TRAF6: variants seen among roughly 807,000 people sequenced by gnomAD.
TRAF6 encodes the protein TNF receptor-associated factor 6.
In TRAF6, 10 loss-of-function variants were observed where a neutral mutation model predicts 48.4. The observed-to-expected ratio is 0.21, with a 90% CI of 0.13 to 0.35. The LOEUF (loss-of-function observed/expected upper bound fraction) is 0.35. TRAF6 is among the 10% of genes least tolerant of loss of function. TRAF6 has a pLI of 1.00. For missense variants in TRAF6, 397 were observed against 661.0 expected (o/e 0.60, Z 4.38); for synonymous variants, 186 against 219.6 (o/e 0.85, Z 1.35).
intron 4 of TRAF6, 128 bp from the exon 5 acceptor site, chr11:36,495,175 G>A: frequency 1.6e-6 from 1 of 612,684 alleles, no homozygotes; most frequent in Non-Finnish European, 2.9e-6. Flanking sequence ...AAGCAAAAGT[G>A]AGTGAAAGTG....
At chr11:36,506,857 A>G (rs374091253) in intron 1 of TRAF6, among the ~76,000 whole-genome samples, 3 of 152,256 alleles carry the variant, frequency 2.0e-5, no homozygotes, top group East Asian at 3.9e-4. Context: ...TTATCCTTTA[A>G]GTCCACAGTA....
chr11:36,494,808 T>C (rs1165520155), intron 5 of TRAF6, among the ~76,000 whole-genome samples, 168 bp downstream of exon 5: 2 of 151,420 alleles, frequency 1.3e-5, no homozygotes, highest in African/African-American at 4.9e-5. Context: ...TTGTTCTCCC[T>C]GAAAGTATTT....
In TRAF6 at chr11:36,484,010, A is replaced by AATCC. The variant is rs1382394428; in HGVS notation, c.*5824_*5827dup. Among the ~76,000 whole-genome samples, 2 of 152,180 alleles carry AATCC rather than the reference A, an allele frequency of 1.3e-5. No homozygotes were observed. Among genetic ancestry groups the AATCC allele is most frequent in the Non-Finnish European group, 2.9e-5 (2 of 68,024 alleles). ...CAGGTGCCTTTTTGAGATAAGTGTGAATCCACATTCACAACCTGGGTTGAG... is the reference window on the plus strand; with the variant it reads ...CAGGTGCCTTTTTGAGATAAGTGTGAATCCATCCACATTCACAACCTGGGTTGAG... On this transcript the variant is annotated 3_prime_UTR_variant, in exon 7 of 7. Transcript: ENST00000526995.
Position 36,498,599 on chromosome 11 carries a change from A to G in TRAF6, c.338T>C (p.Leu113Pro). 6.2e-7 allele frequency: 1 copy of G among 1,613,596 alleles called. No homozygotes were observed. Among genetic ancestry groups the G allele is most frequent in the Non-Finnish European group, 8.5e-7 (1 of 1,179,876 alleles). The part of the protein sequence containing the change: ...HKCPVDNEIL[L>P]ENQLFPDNFA... ...ATTGTCTGGAAATAGTTGATTTTCC[A>G]GCAGTATTTCATTGTCAACTGGACA... Residue 113 changes from leucine to proline, a missense_variant, in exon 3 of 7, where the codon CTG becomes CCG. Leu to Pro is a moderately conservative substitution (Grantham distance 98). Around this residue, in one of 4 missense-constraint regions of TRAF6, gnomAD observed 245 missense variants for 349.1 expected, o/e 0.70. Transcript: ENST00000526995.
Position 36,501,123 on chromosome 11 carries a change from G to C in TRAF6, c.296+97C>G, listed in dbSNP as rs1480495377. ...TCTTTTTTCCTAAGTAGCTTTTTAT[G>C]TGTAAGACTACTTTTGGGATGTTCC... On this transcript the variant is annotated intron_variant, in intron 2 of 6. Coordinates refer to ENST00000526995, the MANE Select transcript of TRAF6 (RefSeq NM_004620.4). 2.5e-6 allele frequency: 3 copies of C among 1,195,418 alleles called. No individual in the cohort carries two copies. The East Asian group carries it at 7.8e-5, about 31-fold the overall frequency. The allele number at this position is 1,195,418 out of a possible 1,614,324, so 74.1% of individuals were successfully genotyped here. A position where few individuals can be genotyped will look rare whatever the true frequency, so the allele number is the denominator to read the frequency against.
At chr11:36,496,210 C>T (rs1456149305) in intron 4 of TRAF6, 2 of 152,158 alleles carry the variant, frequency 1.3e-5, no homozygotes, top group East Asian at 3.8e-4. Context: ...TCTACTTAAT[C>T]TATCTCAGTT....
At chr11:36,492,096 T>C (rs561505978) in intron 6 of TRAF6, among the ~76,000 whole-genome samples, 2 of 152,190 alleles carry the variant, frequency 1.3e-5, no homozygotes, top group Non-Finnish European at 2.9e-5. Context: ...CTCCTAAATA[T>C]GTACTGGCTC....
At chr11:36,493,648 C>G (rs1347194484) in intron 5 of TRAF6, among the ~76,000 whole-genome samples, 1 of 152,156 alleles carries the variant, frequency 6.6e-6, no homozygotes, top group Non-Finnish European at 1.5e-5. Flanking sequence ...GTTAAAATCA[C>G]AGTTTAAACC....
chr11:36,489,548 C>T lies in TRAF6; in HGVS notation c.*290G>A, dbSNP rs1859532669. On this transcript the variant is annotated 3_prime_UTR_variant, in exon 7 of 7. Coordinates refer to ENST00000526995, the MANE Select transcript of TRAF6 (RefSeq NM_004620.4). ...ACAATAAAATACACCAGAGCAAAAGCCCAAGAAAGTACAACAAAGAGGTAT... is the reference window on the plus strand; with the variant it reads ...ACAATAAAATACACCAGAGCAAAAGTCCAAGAAAGTACAACAAAGAGGTAT... 1 of 367,318 alleles carries T rather than the reference C, an allele frequency of 2.7e-6. No individual in the cohort carries two copies. Among genetic ancestry groups the T allele is most frequent in the Non-Finnish European group, 4.9e-6 (1 of 204,568 alleles). The allele number at this position is 367,318 out of a possible 1,614,324, so 22.8% of individuals were successfully genotyped here.
chr11:36,495,766 C>T (rs1000473497), intron 4 of TRAF6, among the ~76,000 whole-genome samples: 11 of 152,102 alleles, frequency 7.2e-5, no homozygotes, highest in Non-Finnish European at 1.5e-4. Flanking sequence ...GTGATGCATG[C>T]CTGTAATCCC....
At chr11:36,509,664 A>AG (rs1859874115) in intron 1 of TRAF6, among the ~76,000 whole-genome samples, 1 of 152,032 alleles carries the variant, frequency 6.6e-6, no homozygotes, top group African/African-American at 2.4e-5. Context: ...GGGGTTTTTT[A>AG]GGGGGTGGAA....
intron 1 of TRAF6, among the ~76,000 whole-genome samples, chr11:36,505,022 TTTG>T (rs1486830821): frequency 6.6e-6 from 1 of 152,234 alleles, no homozygotes; most frequent in African/African-American, 2.4e-5. Context: ...TCATCCAGGC[TTTG>T]TTGTTACCTT....
intron 2 of TRAF6, among the ~76,000 whole-genome samples, chr11:36,499,692 C>G (rs767066113): frequency 1.3e-5 from 2 of 152,148 alleles, no homozygotes; most frequent in Non-Finnish European, 2.9e-5. Context: ...AAAATTGAAA[C>G]AGCAGACATT....
In TRAF6 at chr11:36,484,606, A is replaced by C. The variant is rs1440178625; in HGVS notation, c.*5232T>G. 6.8e-6 allele frequency among the ~76,000 whole-genome samples: 1 copy of C among 146,354 alleles called. No individual in the cohort carries two copies. The highest frequency in any genetic ancestry group is 7.1e-5 in the Admixed American group (1 of 14,026). On this transcript the variant is annotated 3_prime_UTR_variant, in exon 7 of 7. Coordinates refer to ENST00000526995, the MANE Select transcript of TRAF6 (RefSeq NM_004620.4). Reference sequence around the variant, plus strand: ...ATTTAAATTTCAAATTCTAGTTTCTACTTTACAAGGAAAAGGACACGAAGA... The same window carrying C: ...ATTTAAATTTCAAATTCTAGTTTCTCCTTTACAAGGAAAAGGACACGAAGA...
At chr11:36,491,024 TTTC>T (rs1165650688) in intron 6 of TRAF6, among the ~76,000 whole-genome samples, 11 of 152,346 alleles carry the variant, frequency 7.2e-5, no homozygotes, top group African/African-American at 2.4e-4. Context: ...CTCAGTGATT[TTTC>T]TTCATCTTTA....
Position 36,484,947 on chromosome 11 carries a change from G to T in TRAF6, c.*4891C>A, listed in dbSNP as rs1054468267. On this transcript the variant is annotated 3_prime_UTR_variant, in exon 7 of 7. Transcript: ENST00000526995. ...TTGCAAAGTTTAAAATTAGCTTAAC[G>T]TGAGGGCTGCAATTCCAGTTACAAA... 3.3e-5 allele frequency among the ~76,000 whole-genome samples: 5 copies of T among 152,182 alleles called. No homozygotes were observed. The highest frequency in any genetic ancestry group is 9.7e-5 in the African/African-American group (4 of 41,434).
In TRAF6 at chr11:36,485,527, C is replaced by T. The variant is rs1300095651; in HGVS notation, c.*4311G>A. On this transcript the variant is annotated 3_prime_UTR_variant, in exon 7 of 7. Transcript: ENST00000526995. ...AGAGCAGAGGCACATGCCCCAACTT[C>T]CCCATCTTAAAGGCAGGGCTAGTGT... 1.3e-5 allele frequency among the ~76,000 whole-genome samples: 2 copies of T among 152,118 alleles called. No individual in the cohort carries two copies. The highest frequency in any genetic ancestry group is 2.9e-5 in the Non-Finnish European group (2 of 68,038).
intron 1 of TRAF6, among the ~76,000 whole-genome samples, chr11:36,503,220 C>G (rs1334720337): frequency 1.3e-5 from 2 of 152,032 alleles, no homozygotes; most frequent in African/African-American, 4.8e-5. Context: ...TAAACATGGT[C>G]TGTCCAGCAC....
rs1859533149 is a variant in TRAF6 at position 36,489,588 on chromosome 11, T to C, written c.*250A>G. 3.4e-5 allele frequency: 17 copies of C among 506,170 alleles called. No homozygotes were observed. In the South Asian group the frequency reaches 4.4e-4, roughly 13 times the overall value. The allele number at this position is 506,170 out of a possible 1,614,324, so 31.4% of individuals were successfully genotyped here. ...CAAAGAGGTATACTAACTGGCAAAA[T>C]AGCTGCTGCAACATGCCACAGGCAC... On this transcript the variant is annotated 3_prime_UTR_variant, in exon 7 of 7. Coordinates refer to ENST00000526995, the MANE Select transcript of TRAF6 (RefSeq NM_004620.4).
Sources: gnomAD v4.1 joint callset for allele counts (sites outside exome capture counted in the v4.1 genomes callset) on GRCh38, gnomAD v4.1.1 for gene constraint, gnomAD v4.1.1 regional missense constraint, MANE v1.5 for transcripts, NCBI Gene and HGNC (gene_info 2026-07-23, HGNC 2026-07-21) for gene names.